Variants in RPL37A observed in about 807,000 individuals in gnomAD.
The protein encoded by RPL37A is ribosomal protein L37a, also known as large ribosomal subunit protein eL43.
In RPL37A, 5 loss-of-function variants were observed where a neutral mutation model predicts 13.6. That is an observed-to-expected ratio of 0.37 (90% CI 0.19 to 0.78). The LOEUF (loss-of-function observed/expected upper bound fraction) is 0.78. RPL37A is among the 30% of genes least tolerant of loss of function. The pLI is 0.49. For missense variants in RPL37A, 77 were observed against 120.0 expected (o/e 0.64, Z 1.67); for synonymous variants, 50 against 44.4 (o/e 1.13, Z -0.50).
Position 216,501,419 on chromosome 2 carries a change from T to C in RPL37A, c.*15T>C. ...AAGACCAGTAGACGCTCCTCTACTC[T>C]TTGAGACATCACTGGCCTATAATAA... On this transcript the variant is annotated 3_prime_UTR_variant, in exon 4 of 4. Transcript: ENST00000491306. 1 of 1,587,054 alleles carries C rather than the reference T, an allele frequency of 6.3e-7. No individual in the cohort carries two copies. Among genetic ancestry groups the C allele is most frequent in the Non-Finnish European group, 8.6e-7 (1 of 1,158,008 alleles).
intron 2 of RPL37A, 39 bp downstream of exon 2, chr2:216,499,437 G>GCAGGGAGGC: frequency 6.2e-7 from 1 of 1,608,538 alleles, no homozygotes; most frequent in Non-Finnish European, 8.5e-7. Flanking sequence ...GAGAGGGAGG[G>GCAGGGAGGC]CAGGTTTCTT....
At chr2:216,499,453 A>T (rs1169035524) in intron 2 of RPL37A, 55 bp downstream of exon 2, 1 of 1,596,480 alleles carries the variant, frequency 6.3e-7, no homozygotes, top group Non-Finnish European at 8.5e-7. Flanking sequence ...TTCTTACCCA[A>T]GTGAGGCCTG....
chr2:216,501,328 T>C lies in RPL37A; in HGVS notation c.216-13T>C. 1.2e-6 allele frequency: 2 copies of C among 1,608,726 alleles called. No individual in the cohort carries two copies. Among genetic ancestry groups the C allele is most frequent in the Non-Finnish European group, 1.7e-6 (2 of 1,176,220 alleles). On this transcript the variant is annotated splice_polypyrimidine_tract_variant and intron_variant, in intron 3 of 3. Transcript: ENST00000491306. Reference sequence around the variant, plus strand: ...ATGCTTAATTATGTTGGAAACTGAATCTTTCTTTCCAGTACCACTTCCGCT... The same window carrying C: ...ATGCTTAATTATGTTGGAAACTGAACCTTTCTTTCCAGTACCACTTCCGCT...
Position 216,501,498 on chromosome 2 carries a change from T to G in RPL37A, c.*94T>G. 1 of 812,846 alleles carries G rather than the reference T, an allele frequency of 1.2e-6. No homozygotes were observed. Among genetic ancestry groups the G allele is most frequent in the Non-Finnish European group, 2.1e-6 (1 of 482,758 alleles). The allele number at this position is 812,846 out of a possible 1,614,324, so 50.4% of individuals were successfully genotyped here. On this transcript the variant is annotated 3_prime_UTR_variant, in exon 4 of 4. Coordinates refer to ENST00000491306, the MANE Select transcript of RPL37A (RefSeq NM_000998.5). ...TTGGCTTGTTAACTTTATTAGACAT[T>G]CTGATGTTTGCATTGTGTAAATACT...
In RPL37A at chr2:216,501,407, G is replaced by T. The variant is rs186204060; in HGVS notation, c.*3G>T. ...TGAAGGAGTTGAAAGACCAGTAGAC[G>T]CTCCTCTACTCTTTGAGACATCACT... On this transcript the variant is annotated 3_prime_UTR_variant, in exon 4 of 4. Transcript: ENST00000491306. The T allele has an allele frequency of 1.2e-6, 2 of 1,605,356 alleles. No homozygotes were observed. Among genetic ancestry groups the T allele is most frequent in the African/African-American group, 2.7e-5 (2 of 74,734 alleles).
Position 216,501,688 on chromosome 2 carries a change from C to A in RPL37A, c.*284C>A. On this transcript the variant is annotated 3_prime_UTR_variant, in exon 4 of 4. Transcript: ENST00000491306. ...AGTTTGACTTTGAGATACATTGGAG[C>A]CAACTGTAAACTTTAGTTTTTAAAT... 1 of 266,716 alleles carries A rather than the reference C, an allele frequency of 3.7e-6. No homozygotes were observed. The highest frequency in any genetic ancestry group is 7.1e-6 in the Non-Finnish European group (1 of 141,476). 16.5% of individuals were successfully genotyped at this position (266,716 alleles called of 1,614,324 possible).
chr2:216,500,718 G>A (rs1695585700), intron 3 of RPL37A: 1 of 152,252 alleles, frequency 6.6e-6, no homozygotes, highest in Non-Finnish European at 1.5e-5. Context: ...GTGCTTTCTT[G>A]GTTCTGATAG....
chr2:216,499,201 G>A, intron 1 of RPL37A, 69 bp from the exon 2 acceptor site: 1 of 1,539,688 alleles, frequency 6.5e-7, no homozygotes, highest in Non-Finnish European at 8.8e-7. Context: ...TGGAGGAACG[G>A]TGTGTGGAGG....
intron 3 of RPL37A, chr2:216,500,486 G>A (rs980635743): frequency 1.1e-5 from 2 of 187,310 alleles, no homozygotes; most frequent in African/African-American, 4.7e-5. Flanking sequence ...CTGCAACTCA[G>A]TATCACCTGA....
rs1393984639 is a variant in RPL37A at position 216,502,531 on chromosome 2, GT to G, written c.*1128del. Reference sequence around the variant, plus strand: ...ATTGATTTCAGATTGACAGATGGTTGTAGTAACAAAAAAATGAATTGCCTTG... The same window carrying G: ...ATTGATTTCAGATTGACAGATGGTTGAGTAACAAAAAAATGAATTGCCTTG... On this transcript the variant is annotated 3_prime_UTR_variant, in exon 4 of 4. Coordinates refer to ENST00000491306, the MANE Select transcript of RPL37A (RefSeq NM_000998.5). 6.6e-5 allele frequency: 10 copies of G among 152,320 alleles called. No homozygotes were observed. The highest frequency in any genetic ancestry group is 1.7e-4 in the African/African-American group (7 of 41,564). The allele number at this position is 152,320 out of a possible 1,614,324, so 9.4% of individuals were successfully genotyped here. A position where few individuals can be genotyped will look rare whatever the true frequency, so the allele number is the denominator to read the frequency against.
At chr2:216,499,088 G>T in intron 1 of RPL37A, 182 bp from the exon 2 acceptor site, 1 of 1,129,590 alleles carries the variant, frequency 8.9e-7, no homozygotes, top group Non-Finnish European at 1.2e-6. Context: ...TTAACGCCGG[G>T]CCTTCGGAGC....
chr2:216,498,927 C>A (rs371475637), intron 1 of RPL37A, 50 bp downstream of exon 1: 27 of 1,612,526 alleles, frequency 1.7e-5, no homozygotes, highest in Non-Finnish European at 2.1e-5. Context: ...CTGCATCTGT[C>A]CTTGTTTTCT....
chr2:216,499,453 A>G (rs1169035524), intron 2 of RPL37A, 55 bp downstream of exon 2: 2 of 1,596,598 alleles, frequency 1.3e-6, no homozygotes, highest in African/African-American at 1.3e-5. Context: ...TTCTTACCCA[A>G]GTGAGGCCTG....
At position 216,502,298 on chromosome 2, in the gene RPL37A, T is replaced by C. The variant is rs938673385; in HGVS notation, c.*894T>C. On this transcript the variant is annotated 3_prime_UTR_variant, in exon 4 of 4. Coordinates refer to ENST00000491306, the MANE Select transcript of RPL37A (RefSeq NM_000998.5). ...GCCAGGATCGTGCCACTGCACTTTA[T>C]TTAGCCAGGACAACACTCTGTCTCC... 1 of 151,936 alleles carries C rather than the reference T, an allele frequency of 6.6e-6. No homozygotes were observed. Among genetic ancestry groups the C allele is most frequent in the African/African-American group, 2.4e-5 (1 of 41,302 alleles). 9.4% of individuals were successfully genotyped at this position (151,936 alleles called of 1,614,324 possible). A position where few individuals can be genotyped will look rare whatever the true frequency, so the allele number is the denominator to read the frequency against.
intron 3 of RPL37A, chr2:216,500,363 A>G: frequency 3.0e-6 from 1 of 337,388 alleles, no homozygotes; most frequent in Non-Finnish European, 5.5e-6. Context: ...AAGTTTTGAT[A>G]AAAATAGGTG....
rs1293638355 is a variant in RPL37A at position 216,502,740 on chromosome 2, G to T, written c.*1336G>T. On this transcript the variant is annotated 3_prime_UTR_variant, in exon 4 of 4. Coordinates refer to ENST00000491306, the MANE Select transcript of RPL37A (RefSeq NM_000998.5). Reference sequence around the variant, plus strand: ...GCAAATTTAATTCGATAAGAATGTGGATTTACTTCATCTTTAGGACAGAGT... The same window carrying T: ...GCAAATTTAATTCGATAAGAATGTGTATTTACTTCATCTTTAGGACAGAGT... 1 of 152,224 alleles carries T rather than the reference G, an allele frequency of 6.6e-6. No homozygotes were observed. The highest frequency in any genetic ancestry group is 1.5e-5 in the Non-Finnish European group (1 of 68,038). The allele number at this position is 152,224 out of a possible 1,614,324, so 9.4% of individuals were successfully genotyped here. A position where few individuals can be genotyped will look rare whatever the true frequency, so the allele number is the denominator to read the frequency against.
intron 2 of RPL37A, 45 bp downstream of exon 2, chr2:216,499,443 T>A (rs1172059608): frequency 1.2e-6 from 2 of 1,605,494 alleles, no homozygotes; most frequent in South Asian, 2.2e-5. Context: ...GAGGGCAGGT[T>A]TCTTACCCAA....
rs1309956807 is a variant in RPL37A at position 216,499,975 on chromosome 2, G to C, written c.159G>C (p.Gly53=). 2.5e-6 allele frequency: 4 copies of C among 1,614,012 alleles called. No individual in the cohort carries two copies. In the Admixed American group the frequency reaches 6.7e-5, roughly 27 times the overall value. ...CCAAGATGAAGAGACGAGCTGTGGGGATCTGGCACTGTGGTTCCTGCATGA... is the reference window on the plus strand; with the variant it reads ...CCAAGATGAAGAGACGAGCTGTGGGCATCTGGCACTGTGGTTCCTGCATGA... ...GKTKMKRRAV[G]IWHCGSCMKT... Residue 53 remains glycine, a synonymous_variant, in exon 3 of 4, where the codon GGG becomes GGC. Transcript: ENST00000491306.
chr2:216,499,238 C>T (rs201558518), intron 1 of RPL37A, 32 bp from the exon 2 acceptor site: 1 of 1,602,516 alleles, frequency 6.2e-7, no homozygotes, highest in East Asian at 2.2e-5. Context: ...GGTTCCAGGT[C>T]TATCACTGGT....
Sources: allele counts gnomAD v4.1 joint callset, GRCh38; gene constraint gnomAD v4.1.1; transcripts MANE v1.5; gene names NCBI Gene and HGNC (gene_info 2026-07-23, HGNC 2026-07-21).